Variants in ANXA13 observed in about 807,000 individuals in gnomAD.
ANXA13 encodes annexin XIII.
ANXA13 carries 36 observed loss-of-function variants against 46.6 expected under a neutral mutation model. That is an observed-to-expected ratio of 0.77 (90% CI 0.59 to 1.02). The LOEUF (loss-of-function observed/expected upper bound fraction) is 1.02, where lower values mean the gene tolerates loss of function less well. ANXA13 is among the 50% of genes least tolerant of loss of function. The probability of loss-of-function intolerance (pLI) is 0.00; values close to 1 mark genes in which losing one functional copy is unlikely to be tolerated. For missense variants in ANXA13, 417 were observed against 396.5 expected (o/e 1.05, Z -0.44); for synonymous variants, 163 against 152.9 (o/e 1.07, Z -0.49).
chr8:123,735,966 C>A, intron 1 of ANXA13: 27 of 1,417,064 alleles, frequency 1.9e-5, no homozygotes, highest in Non-Finnish European at 2.5e-5. Context: ...ACAAAATTAT[C>A]CTCCTAAGCT....
Position 123,690,933 on chromosome 8 carries a change from G to C in ANXA13, c.643-1987C>G, listed in dbSNP as rs1209280719. 6.6e-6 allele frequency among the ~76,000 whole-genome samples: 1 copy of C among 152,222 alleles called. No individual in the cohort carries two copies. Among genetic ancestry groups the C allele is most frequent in the Non-Finnish European group, 1.5e-5 (1 of 68,032 alleles). On this transcript the variant is annotated intron_variant, in intron 8 of 10. Transcript: ENST00000419625. This position sits in a 1 kb window ranked among gnomAD's most constrained non-coding sequence, Gnocchi z 4.6. ...AGGCACGCAGTGAGGTGGCAGCAAA[G>C]TGGGCTATGGGTATGCATACCTACT...
chr8:123,703,092 G>A (rs1038528162), intron 2 of ANXA13, among the ~76,000 whole-genome samples: 3 of 152,138 alleles, frequency 2.0e-5, no homozygotes, highest in East Asian at 1.9e-4. Flanking sequence ...TAGCTCAAAC[G>A]TGGAAGCAGC....
At chr8:123,726,971 T>C (rs1814011705) in intron 1 of ANXA13, among the ~76,000 whole-genome samples, 1 of 152,094 alleles carries the variant, frequency 6.6e-6, no homozygotes, top group African/African-American at 2.4e-5. Flanking sequence ...CCAAACATCA[T>C]ATGTTCTCAC....
chr8:123,720,598 A>G (rs1813844482), intron 1 of ANXA13, among the ~76,000 whole-genome samples: 1 of 151,686 alleles, frequency 6.6e-6, no homozygotes, highest in Non-Finnish European at 1.5e-5. Context: ...CACTCATAAT[A>G]TCATCACCAC....
At position 123,681,152 on chromosome 8, in the gene ANXA13, C is replaced by T. The variant is rs1466502451; in HGVS notation, c.*88G>A. 8.1e-6 allele frequency: 12 copies of T among 1,487,180 alleles called. No homozygotes were observed. The highest frequency in any genetic ancestry group is 2.8e-5 in the African/African-American group (2 of 71,302). The allele number at this position is 1,487,180 out of a possible 1,614,324, so 92.1% of individuals were successfully genotyped here. On this transcript the variant is annotated 3_prime_UTR_variant, in exon 11 of 11. Coordinates refer to ENST00000419625, the MANE Select transcript of ANXA13 (RefSeq NM_004306.4). ...GTAATCCGGGACTCTTAAGGGTTTT[C>T]GTGCGGGAGTCTCATTTGCAAGTTT...
At chr8:123,692,070 G>T (rs1210757761) in intron 8 of ANXA13, among the ~76,000 whole-genome samples, 1 of 152,182 alleles carries the variant, frequency 6.6e-6, no homozygotes, top group Non-Finnish European at 1.5e-5. Flanking sequence ...GGCCCTAAAG[G>T]CTTATATACA....
intron 1 of ANXA13, among the ~76,000 whole-genome samples, chr8:123,734,362 C>T (rs1220389836): frequency 7.2e-5 from 11 of 152,162 alleles, no homozygotes; most frequent in African/African-American, 2.7e-4. Flanking sequence ...TGATCTTTCT[C>T]TCTGTGTACA....
rs55688638 is a variant in ANXA13, at chr8:123,688,953, C to G, written c.643-7G>C. On this transcript the variant is annotated splice_polypyrimidine_tract_variant and splice_region_variant and intron_variant, in intron 8 of 10. Transcript: ENST00000419625. ...CTATGTCTTTGCCAATGAGCTGCAG[C>G]GAAAACCAAAATCAACTGTTATTCC... is the stretch of plus-strand genomic sequence containing the variant. 0.03 allele frequency: 48,007 copies of G among 1,612,964 alleles called. 838 individuals carry two copies. The highest frequency in any genetic ancestry group is 0.035 in the Non-Finnish European group (40,922 of 1,179,260).
At chr8:123,733,806 G>A (rs1375595615) in intron 1 of ANXA13, among the ~76,000 whole-genome samples, 1 of 152,178 alleles carries the variant, frequency 6.6e-6, no homozygotes, top group Non-Finnish European at 1.5e-5. Flanking sequence ...ACAACCACCA[G>A]ACCAATTAAT....
At chr8:123,725,618 T>C (rs1371433647) in intron 1 of ANXA13, among the ~76,000 whole-genome samples, 1 of 152,226 alleles carries the variant, frequency 6.6e-6, no homozygotes, top group Non-Finnish European at 1.5e-5. Context: ...AGCATGAATC[T>C]TGGGTGATTA....
At chr8:123,684,849 G>C (rs1043132036) in intron 9 of ANXA13, 127 bp from the exon 10 acceptor site, 1 of 676,678 alleles carries the variant, frequency 1.5e-6, no homozygotes, top group African/African-American at 1.8e-5. Flanking sequence ...TGTGAAAAGA[G>C]CTGACTTGAC....
intron 1 of ANXA13, among the ~76,000 whole-genome samples, chr8:123,719,283 G>C (rs1173433547): frequency 1.3e-5 from 2 of 152,288 alleles, no homozygotes; most frequent in Middle Eastern, 6.8e-3. Context: ...ATATGTTACA[G>C]GCAAATTAGA....
At chr8:123,726,843 T>A (rs1162981738) in intron 1 of ANXA13, among the ~76,000 whole-genome samples, 1 of 152,080 alleles carries the variant, frequency 6.6e-6, no homozygotes, top group African/African-American at 2.4e-5. Context: ...GAAGCTGTGG[T>A]ATATATATAC....
chr8:123,683,320 A>G (rs1051433946), intron 10 of ANXA13, among the ~76,000 whole-genome samples: 1 of 151,996 alleles, frequency 6.6e-6, no homozygotes, highest in Non-Finnish European at 1.5e-5. Context: ...TTGCAAAGTT[A>G]TATTTAAAAA....
At chr8:123,721,837 G>A (rs73703647) in intron 1 of ANXA13, among the ~76,000 whole-genome samples, 2 of 152,058 alleles carry the variant, frequency 1.3e-5, no homozygotes, top group Admixed American at 1.3e-4. Flanking sequence ...ACAACCCTAT[G>A]GGGTAGGTAT....
intron 8 of ANXA13, among the ~76,000 whole-genome samples, 172 bp from the exon 9 acceptor site, chr8:123,689,118 G>A (rs73703636): frequency 1.7e-3 from 259 of 151,934 alleles, no homozygotes; most frequent in Non-Finnish European, 1.5e-3. Flanking sequence ...CCACCCATTC[G>A]AGAGAGGGCT....
Position 123,698,402 on chromosome 8 carries a change from G to A in ANXA13, c.344C>T (p.Thr115Met), listed in dbSNP as rs753688259. ...GCTGGGACTGACCTTATTGGTCCTC[G>A]TGCACAGGACCTCAATGAGGACGGA... The part of the protein sequence containing the change: ...DESVLIEVLC[T>M]RTNKEIIAIK... Residue 115 changes from threonine (T) to methionine (M), a missense_variant, in exon 4 of 11, where the codon ACG becomes ATG. Physicochemically the swap from Thr to Met is moderately conservative, Grantham distance 81. Coordinates refer to ENST00000419625, the MANE Select transcript of ANXA13 (RefSeq NM_004306.4). The A allele has an allele frequency of 6.6e-5, 106 of 1,613,932 alleles. No homozygotes were observed. Among genetic ancestry groups the A allele is most frequent in the South Asian group, 6.6e-5 (6 of 91,082 alleles).
intron 3 of ANXA13, among the ~76,000 whole-genome samples, chr8:123,702,020 G>A (rs1813455482): frequency 6.6e-6 from 1 of 152,032 alleles, no homozygotes; most frequent in South Asian, 2.1e-4. Context: ...GTAAAAGTTT[G>A]AAAAATATAA....
At chr8:123,716,076 C>CT (rs1813754226) in intron 1 of ANXA13, among the ~76,000 whole-genome samples, 1 of 152,034 alleles carries the variant, frequency 6.6e-6, no homozygotes, top group Non-Finnish European at 1.5e-5. Context: ...TTAATTTTTC[C>CT]TTTTTTCCTT....
Sources: allele counts gnomAD v4.1 joint callset (sites outside exome capture counted in the v4.1 genomes callset), GRCh38; gene constraint gnomAD v4.1.1; non-coding constraint Gnocchi (gnomAD v3.1); transcripts MANE v1.5; gene names NCBI Gene and HGNC (gene_info 2026-07-23, HGNC 2026-07-21).